SHISA9: variants seen among roughly 807,000 people sequenced by gnomAD.
SHISA9 encodes protein shisa-9.
In SHISA9, 13 loss-of-function variants were observed where a neutral mutation model predicts 38.0. The ratio of observed to expected loss-of-function variants is 0.34; its 90% CI spans 0.22 to 0.54. The LOEUF is 0.54. Ranked by LOEUF, SHISA9 falls within the 20% of genes least tolerant of loss-of-function variation. SHISA9 has a pLI of 0.91. For synonymous variants in SHISA9, 275 were observed against 242.0 expected, an observed-to-expected ratio of 1.14 and a Z score of -1.27; for missense variants, 538 against 575.8, an observed-to-expected ratio of 0.93 and a Z score of 0.67.
chr16:13,453,178 G>T, the SHISA9 span, among the ~76,000 whole-genome samples: 1 of 152,030 alleles, frequency 6.6e-6, no homozygotes. Flanking sequence ...GTGAGCCACC[G>T]CGCCCAGCCT....
At chr16:13,519,096 C>G in the SHISA9 span, among the ~76,000 whole-genome samples, 1 of 151,798 alleles carries the variant, frequency 6.6e-6, no homozygotes, top group Non-Finnish European at 1.5e-5. Flanking sequence ...TTATTTATCA[C>G]AAAAAAGAGA....
chr16:13,018,589 G>T (rs1255508151), intron 2 of SHISA9, among the ~76,000 whole-genome samples: 1 of 152,190 alleles, frequency 6.6e-6, no homozygotes, highest in Non-Finnish European at 1.5e-5. Flanking sequence ...CCCAGGCAGG[G>T]GGTGTGGAGA....
intron 4 of SHISA9, among the ~76,000 whole-genome samples, chr16:13,231,968 T>A (rs541889082): frequency 6.6e-6 from 1 of 152,194 alleles, no homozygotes; most frequent in Non-Finnish European, 1.5e-5. Flanking sequence ...GCGGGAGAAA[T>A]AGTCCCCATC....
chr16:13,486,641 C>G, the SHISA9 span, among the ~76,000 whole-genome samples: 1 of 152,182 alleles, frequency 6.6e-6, no homozygotes, highest in Admixed American at 6.5e-5. Context: ...TAAAAATCTA[C>G]TCTAGAGCCT....
chr16:13,252,976 CCTCTT>C, the SHISA9 span, among the ~76,000 whole-genome samples: 1 of 152,188 alleles, frequency 6.6e-6, no homozygotes, highest in Non-Finnish European at 1.5e-5. Context: ...TCTTCTCACT[CCTCTT>C]CTTTAGCCTC....
intron 2 of SHISA9, among the ~76,000 whole-genome samples, chr16:13,173,153 G>A (rs1323423278): frequency 2.0e-5 from 3 of 150,792 alleles, no homozygotes; most frequent in East Asian, 2.0e-4. Flanking sequence ...ATGCACGTGC[G>A]CACACACACA....
intron 2 of SHISA9, among the ~76,000 whole-genome samples, chr16:13,127,320 G>T (rs1390650115): frequency 7.0e-6 from 1 of 142,932 alleles, no homozygotes; most frequent in Non-Finnish European, 1.5e-5. Flanking sequence ...GAGGGAGGGA[G>T]AGAGATGAAG....
intron 2 of SHISA9, among the ~76,000 whole-genome samples, chr16:13,047,066 C>G (rs1374970883): frequency 6.6e-6 from 1 of 152,008 alleles, no homozygotes; most frequent in Non-Finnish European, 1.5e-5. Context: ...CTCCAGTGGC[C>G]CTGGTTAGCA....
At chr16:13,231,679 A>C (rs1315899482) in intron 4 of SHISA9, among the ~76,000 whole-genome samples, 1 of 152,246 alleles carries the variant, frequency 6.6e-6, no homozygotes, top group Non-Finnish European at 1.5e-5. Context: ...TAGCAAGTTA[A>C]TATGTGGCTT....
chr16:13,355,689 T>C, the SHISA9 span, among the ~76,000 whole-genome samples: 12 of 152,192 alleles, frequency 7.9e-5, no homozygotes, highest in Non-Finnish European at 1.8e-4. Flanking sequence ...AAACAGGCCC[T>C]TGAAAAGAAG....
intron 2 of SHISA9, among the ~76,000 whole-genome samples, chr16:13,036,471 T>C (rs1053142382): frequency 6.6e-6 from 1 of 151,702 alleles, no homozygotes; most frequent in South Asian, 2.1e-4. Context: ...AGGCCAGAGG[T>C]TGGGGGGTTA....
chr16:12,904,392 G>A (rs914723193), intron 1 of SHISA9, among the ~76,000 whole-genome samples: 5 of 152,186 alleles, frequency 3.3e-5, no homozygotes, highest in African/African-American at 1.2e-4. Flanking sequence ...CAGGTGGGGA[G>A]AGGAGCTAAC....
chr16:13,082,173 G>GT (rs2073658679), intron 2 of SHISA9, among the ~76,000 whole-genome samples: 1 of 152,228 alleles, frequency 6.6e-6, no homozygotes, highest in South Asian at 2.1e-4. Flanking sequence ...AACCAGAAGT[G>GT]TTTAACTCCC....
In SHISA9 at chr16:13,239,413, C is replaced by G. The variant is rs998865156; in HGVS notation, c.*4004C>G. 3.3e-5 allele frequency: 5 copies of G among 151,386 alleles called. No homozygotes were observed. Among genetic ancestry groups the G allele is most frequent in the African/African-American group, 1.2e-4 (5 of 41,230 alleles). 9.4% of individuals were successfully genotyped at this position (151,386 alleles called of 1,614,324 possible). ...TCTAGATCCCTGAGGAATCGCCACA[C>G]TGACTTCCACAATGGTTGAACTAGT... On this transcript the variant is annotated 3_prime_UTR_variant, in exon 5 of 5. Coordinates refer to ENST00000558583, the MANE Select transcript of SHISA9 (RefSeq NM_001145204.3).
At chr16:13,410,362 C>T in the SHISA9 span, among the ~76,000 whole-genome samples, 3 of 152,140 alleles carry the variant, frequency 2.0e-5, no homozygotes, top group South Asian at 2.1e-4. Flanking sequence ...CTAAAATCGG[C>T]GTGTTATATT....
At chr16:13,536,299 C>T in the SHISA9 span, among the ~76,000 whole-genome samples, 1 of 152,106 alleles carries the variant, frequency 6.6e-6, no homozygotes, top group African/African-American at 2.4e-5. Flanking sequence ...ACCTGGCCTG[C>T]GTTTGTTTTT....
intron 2 of SHISA9, among the ~76,000 whole-genome samples, chr16:13,142,283 C>G (rs752940042): frequency 6.6e-6 from 1 of 152,184 alleles, no homozygotes; most frequent in African/African-American, 2.4e-5. Flanking sequence ...CTTATTAGGT[C>G]TTCCCTAAGC....
At chr16:13,223,549 T>G (rs1271938760) in intron 4 of SHISA9, among the ~76,000 whole-genome samples, 2 of 152,218 alleles carry the variant, frequency 1.3e-5, no homozygotes, top group African/African-American at 2.4e-5. Flanking sequence ...TTTTCAAGAC[T>G]GGGGGCTCTA....
At chr16:13,319,485 G>A in the SHISA9 span, among the ~76,000 whole-genome samples, 9 of 152,092 alleles carry the variant, frequency 5.9e-5, no homozygotes, top group South Asian at 1.0e-3. Context: ...ATGTTTTATC[G>A]CACAAGAATA....
Sources: gnomAD v4.1 joint callset for allele counts (sites outside exome capture counted in the v4.1 genomes callset) on GRCh38, gnomAD v4.1.1 for gene constraint, MANE v1.5 for transcripts, NCBI Gene and HGNC (gene_info 2026-07-23, HGNC 2026-07-21) for gene names.